The following PLCL1 variants were observed in gnomAD, a reference collection of about 807,000 sequenced individuals.
The protein encoded by PLCL1 is inactive phospholipase C-like protein 1.
PLCL1 carries 41 observed loss-of-function variants against 84.4 expected under a neutral mutation model. That is an observed-to-expected ratio of 0.49 (90% CI 0.38 to 0.63). The LOEUF (loss-of-function observed/expected upper bound fraction) is 0.63, where lower values mean the gene tolerates loss of function less well. PLCL1 is among the 30% of genes least tolerant of loss of function. The pLI, the probability that PLCL1 is intolerant of heterozygous loss-of-function variation, is 0.00. For synonymous variants in PLCL1, 490 were observed against 488.3 expected, an observed-to-expected ratio of 1.00 and a Z score of -0.05; for missense variants, 1,206 against 1,367.8, an observed-to-expected ratio of 0.88 and a Z score of 1.87.
chr2:197,918,971 T>TCTCTCTCTCTCACTCA, intron 1 of PLCL1, among the ~76,000 whole-genome samples: 1 of 144,552 alleles, frequency 6.9e-6, no homozygotes, highest in South Asian at 2.2e-4. Flanking sequence ...TCTCTCTCCC[T>TCTCTCTCTCTCACTCA]CACACACACA....
intron 1 of PLCL1, among the ~76,000 whole-genome samples, chr2:197,850,482 T>C (rs973145522): frequency 6.6e-6 from 1 of 152,244 alleles, no homozygotes; most frequent in East Asian, 1.9e-4. Flanking sequence ...AAATAGAGAA[T>C]GCATGTAGGA....
chr2:197,806,183 A>G (rs1423401399), intron 1 of PLCL1, among the ~76,000 whole-genome samples: 1 of 152,168 alleles, frequency 6.6e-6, no homozygotes, highest in East Asian at 1.9e-4. Context: ...CTCAGTGTAA[A>G]TGCATGTGAG....
intron 5 of PLCL1, among the ~76,000 whole-genome samples, chr2:198,104,245 TGTG>T (rs1693415663): frequency 6.6e-6 from 1 of 152,020 alleles, no homozygotes; most frequent in Admixed American, 6.6e-5. Flanking sequence ...TTTGTGTCCA[TGTG>T]GTCTCATTGT....
At chr2:197,943,595 A>G (rs1420849284) in intron 1 of PLCL1, among the ~76,000 whole-genome samples, 1 of 141,904 alleles carries the variant, frequency 7.0e-6, no homozygotes, top group Non-Finnish European at 1.5e-5. Flanking sequence ...TCTTCCATAT[A>G]TAATTGATTA....
chr2:198,004,018 TAA>T (rs1690668321), intron 1 of PLCL1, among the ~76,000 whole-genome samples: 1 of 152,230 alleles, frequency 6.6e-6, no homozygotes, highest in Non-Finnish European at 1.5e-5. Flanking sequence ...CTTATTTGAA[TAA>T]GTTATTCAAC....
Position 198,084,490 on chromosome 2 carries a change from A to T in PLCL1, c.973A>T (p.Lys325Ter). The change falls in exon 2 of 6, where the codon AAA becomes TAA. Residue 325 changes from lysine to a stop codon, truncating the protein, a stop_gained. Coordinates refer to ENST00000428675, the MANE Select transcript of PLCL1 (RefSeq NM_006226.4). LOFTEE classifies it high-confidence loss of function. The part of the protein sequence containing the change: ...EVYFLLVQIS[K>*]NKEYLDANDL... ...GTATTTCTTACTTGTACAGATATCT[A>T]AAAACAAAGAATATTTGGATGCCAA... 6.2e-7 allele frequency: 1 copy of T among 1,614,052 alleles called. No individual in the cohort carries two copies. Among genetic ancestry groups the T allele is most frequent in the Non-Finnish European group, 8.5e-7 (1 of 1,179,916 alleles).
chr2:197,817,957 C>G (rs191725627), intron 1 of PLCL1, among the ~76,000 whole-genome samples: 329 of 152,160 alleles, frequency 2.2e-3, no homozygotes, highest in African/African-American at 7.6e-3. Context: ...CCTTAACACA[C>G]TTAGCAGTGA....
At chr2:198,005,797 G>A (rs990114457) in intron 1 of PLCL1, among the ~76,000 whole-genome samples, 33 of 152,314 alleles carry the variant, frequency 2.2e-4, no homozygotes, top group African/African-American at 7.5e-4. Context: ...GTGGACAGCC[G>A]ATATCACAAA....
chr2:197,854,426 T>C lies in PLCL1; in HGVS notation c.240+49087T>C, dbSNP rs181752577. Among the ~76,000 whole-genome samples the C allele has an allele frequency of 3.8e-3, 582 of 152,288 alleles. 3 individuals are homozygous for C. The highest frequency in any genetic ancestry group is 0.013 in the African/African-American group (559 of 41,568). On this transcript the variant is annotated intron_variant, in intron 1 of 5. Coordinates refer to ENST00000428675, the MANE Select transcript of PLCL1 (RefSeq NM_006226.4). Reference sequence around the variant, plus strand: ...GGAAGGAAATGGACCCATTTTCGTCTTAAATTACATTACATTGTTGACTAG... The same window carrying C: ...GGAAGGAAATGGACCCATTTTCGTCCTAAATTACATTACATTGTTGACTAG...
chr2:198,086,643 A>G (rs1258092199), intron 2 of PLCL1, among the ~76,000 whole-genome samples: 1 of 152,142 alleles, frequency 6.6e-6, no homozygotes, highest in Admixed American at 6.5e-5. Context: ...AGAAAGAAAG[A>G]TGTGTAAACC....
Position 198,085,649 on chromosome 2 carries a change from C to A in PLCL1, c.2132C>A (p.Thr711Lys), listed in dbSNP as rs1351946199. ...GAAGTTTCTTACTTCAGCGCAAATACAAAGGGCATTCTACCTGGGGTGTCT... is the reference window on the plus strand; with the variant it reads ...GAAGTTTCTTACTTCAGCGCAAATAAAAAGGGCATTCTACCTGGGGTGTCT... ...RDEVSYFSAN[T>K]KGILPGVSPL... The change falls in exon 2 of 6, where the codon ACA (threonine) becomes AAA (lysine). Residue 711 changes from threonine to lysine, a missense_variant. Physicochemically the swap from Thr to Lys is moderately conservative, Grantham distance 78. Coordinates refer to ENST00000428675, the MANE Select transcript of PLCL1 (RefSeq NM_006226.4). This position sits in a 1 kb window ranked among gnomAD's most constrained non-coding sequence, Gnocchi z 5.3. 3 of 1,614,040 alleles carry A rather than the reference C, an allele frequency of 1.9e-6. No individual in the cohort carries two copies. The East Asian group carries it at 6.7e-5, about 36-fold the overall frequency.
intron 1 of PLCL1, among the ~76,000 whole-genome samples, chr2:198,069,671 T>C (rs530120007): frequency 1.3e-5 from 2 of 152,284 alleles, no homozygotes; most frequent in South Asian, 4.1e-4. Flanking sequence ...GATTTAGTTT[T>C]TTGAAAAAAT....
chr2:198,060,974 G>A (rs1422016304), intron 1 of PLCL1, among the ~76,000 whole-genome samples: 1 of 152,164 alleles, frequency 6.6e-6, no homozygotes, highest in African/African-American at 2.4e-5. Flanking sequence ...TAATAAGCCA[G>A]CAACTCTATG....
chr2:197,972,225 G>A (rs1161628318), intron 1 of PLCL1, among the ~76,000 whole-genome samples: 1 of 152,236 alleles, frequency 6.6e-6, no homozygotes, highest in Non-Finnish European at 1.5e-5. Flanking sequence ...AGGCTGCCAA[G>A]TTTCGTCAAA....
At chr2:197,990,487 C>T (rs2105812165) in intron 1 of PLCL1, among the ~76,000 whole-genome samples, 1 of 152,252 alleles carries the variant, frequency 6.6e-6, no homozygotes, top group South Asian at 2.1e-4. Flanking sequence ...TGTGGTTCCA[C>T]ATGGCTGGGG....
rs1376604991 is a variant in PLCL1 at position 197,805,156 on chromosome 2, C to T, written c.57C>T (p.Gly19=). 1 of 1,303,514 alleles carries T rather than the reference C, an allele frequency of 7.7e-7. No homozygotes were observed. Among genetic ancestry groups the T allele is most frequent in the Non-Finnish European group, 9.7e-7 (1 of 1,030,892 alleles). 80.7% of individuals were successfully genotyped at this position (1,303,514 alleles called of 1,614,324 possible). The change falls in exon 1 of 6, where the codon GGC becomes GGT. Residue 19 remains glycine, a synonymous_variant. Coordinates refer to ENST00000428675, the MANE Select transcript of PLCL1 (RefSeq NM_006226.4). The surrounding 1 kb of genome is among the most constrained non-coding windows in gnomAD (Gnocchi z 4.0). Reference sequence around the variant, plus strand: ...CGGCGCCGCCCGACGCGGCGGGGGGCGAAGACGACCCCCGAGTGGGCCCGG... The same window carrying T: ...CGGCGCCGCCCGACGCGGCGGGGGGTGAAGACGACCCCCGAGTGGGCCCGG... ...EDPAPPDAAG[G]EDDPRVGPDA...
rs112582985 is a variant in PLCL1, at chr2:197,881,521, C to CTGTGTGTGTGTGTGTGTGTGTG, written c.240+76200_240+76201insTGTGTGTGTGTGTGTGTGTGTG. 1.1e-3 allele frequency among the ~76,000 whole-genome samples: 163 copies of CTGTGTGTGTGTGTGTGTGTGTG among 151,018 alleles called. 1 individual carries two copies. The highest frequency in any genetic ancestry group is 3.7e-3 in the African/African-American group (151 of 41,148). On this transcript the variant is annotated intron_variant, in intron 1 of 5. Transcript: ENST00000428675. ...TCTGTCTGGAAGAAGGAACAGTGCT[C>CTGTGTGTGTGTGTGTGTGTGTG]TGTGTGTGTGTGTGTGTGAGCTAGT...
chr2:197,946,173 C>A (rs1042214803), intron 1 of PLCL1, among the ~76,000 whole-genome samples: 1 of 152,002 alleles, frequency 6.6e-6, no homozygotes, highest in African/African-American at 2.4e-5. Flanking sequence ...GTGGGATATA[C>A]GATTGAATGG....
At chr2:198,128,872 C>A (rs1013596178) in intron 5 of PLCL1, among the ~76,000 whole-genome samples, 1 of 152,174 alleles carries the variant, frequency 6.6e-6, no homozygotes, top group African/African-American at 2.4e-5. Flanking sequence ...GGATCTCTTT[C>A]ACTGTCTCAG....
Sources: allele counts gnomAD v4.1 joint callset (sites outside exome capture counted in the v4.1 genomes callset), GRCh38; gene constraint gnomAD v4.1.1; non-coding constraint Gnocchi (gnomAD v3.1); transcripts MANE v1.5; gene names NCBI Gene and HGNC (gene_info 2026-07-23, HGNC 2026-07-21).